MLLT10: variants seen among roughly 807,000 people sequenced by gnomAD.
The protein encoded by MLLT10 is protein AF-10.
A neutral mutation model predicts 129.1 loss-of-function variants in MLLT10; 30 were observed. The observed-to-expected ratio is 0.23, with a 90% confidence interval of 0.17 to 0.32. MLLT10 has a LOEUF of 0.32. Among genes scored for constraint, MLLT10 ranks in the 10% least tolerant of loss-of-function variants. The probability of loss-of-function intolerance (pLI) is 1.00; values close to 1 mark genes in which losing one functional copy is unlikely to be tolerated. For synonymous variants in MLLT10, 490 were observed against 446.4 expected (o/e 1.10, Z -1.23); for missense variants, 1,119 against 1,268.3 (o/e 0.88, Z 1.79).
chr10:21,692,276 A>G (rs147906564), intron 13 of MLLT10, among the ~76,000 whole-genome samples: 96 of 152,178 alleles, frequency 6.3e-4, no homozygotes, highest in Non-Finnish European at 1.1e-3. Flanking sequence ...TTATCATAGC[A>G]AAAAGTTGCA....
chr10:21,589,464 T>C (rs1393663911), intron 4 of MLLT10, among the ~76,000 whole-genome samples: 1 of 152,020 alleles, frequency 6.6e-6, no homozygotes, highest in Non-Finnish European at 1.5e-5. Context: ...AGTGTTGGAA[T>C]TACAGGAATG....
chr10:21,556,912 C>A, intron 3 of MLLT10: 1 of 1,550,214 alleles, frequency 6.5e-7, no homozygotes. Context: ...TCTCAGTTGT[C>A]ATTTGGCGTT....
chr10:21,632,947 T>G (rs2131270844), intron 8 of MLLT10, among the ~76,000 whole-genome samples: 1 of 152,304 alleles, frequency 6.6e-6, no homozygotes, highest in Middle Eastern at 3.4e-3. Flanking sequence ...AATAAATAAA[T>G]CTCTTAGGAT....
At chr10:21,676,010 T>G (rs1337450603) in intron 11 of MLLT10, among the ~76,000 whole-genome samples, 1 of 152,170 alleles carries the variant, frequency 6.6e-6, no homozygotes, top group Non-Finnish European at 1.5e-5. Context: ...AGAATTCGTT[T>G]CTCTTACCTT....
rs111842336 is a variant in MLLT10 at position 21,610,917 on chromosome 10, T to C, written c.406-1431T>C. ...TTTGTTGTTATTTGGGATTTTACTTTTTAGAGGTATAAAATGATGTTTGTA... is the reference window on the plus strand; with the variant it reads ...TTTGTTGTTATTTGGGATTTTACTTCTTAGAGGTATAAAATGATGTTTGTA... On this transcript the variant is annotated intron_variant, in intron 5 of 22. Coordinates refer to ENST00000307729, the MANE Select transcript of MLLT10 (RefSeq NM_001195626.3). Among the ~76,000 whole-genome samples the C allele has an allele frequency of 5.9e-5, 9 of 151,784 alleles. 1 individual carries two copies. Among genetic ancestry groups the C allele is most frequent in the African/African-American group, 2.2e-4 (9 of 41,540 alleles).
intron 13 of MLLT10, among the ~76,000 whole-genome samples, chr10:21,703,640 G>A (rs1416779453): frequency 6.6e-6 from 1 of 152,032 alleles, no homozygotes; most frequent in African/African-American, 2.4e-5. Flanking sequence ...AGCCTGCCAG[G>A]CTCAAGCAAT....
At chr10:21,738,598 C>G (rs377096302) in intron 21 of MLLT10, 4 of 1,208,438 alleles carry the variant, frequency 3.3e-6, no homozygotes, top group Middle Eastern at 2.3e-4. Context: ...AGCTTCCGCT[C>G]GACACTCTTG....
At chr10:21,564,784 A>G (rs2039333533) in intron 3 of MLLT10, among the ~76,000 whole-genome samples, 1 of 150,130 alleles carries the variant, frequency 6.7e-6, no homozygotes, top group African/African-American at 2.5e-5. Flanking sequence ...CGATCGCACC[A>G]TTGCACTCTA....
chr10:21,621,815 C>T (rs922183157), intron 8 of MLLT10, among the ~76,000 whole-genome samples: 1 of 152,136 alleles, frequency 6.6e-6, no homozygotes, highest in African/African-American at 2.4e-5. Flanking sequence ...CAGGCCTGGT[C>T]CACCGCATTG....
In MLLT10 at chr10:21,582,607, G is replaced by T. The variant is rs2041592652; in HGVS notation, c.241-3687G>T. Among the ~76,000 whole-genome samples the T allele has an allele frequency of 2.0e-5, 3 of 152,192 alleles. No homozygotes were observed. In the South Asian group the frequency reaches 6.2e-4, roughly 32 times the overall value. On this transcript the variant is annotated intron_variant, in intron 3 of 22. Coordinates refer to ENST00000307729, the MANE Select transcript of MLLT10 (RefSeq NM_001195626.3). ...TGGGGGACTACTGCATTTAGGAGGTGACTGAAGTGGTCCTGATGAAAGGTG... is the reference window on the plus strand; with the variant it reads ...TGGGGGACTACTGCATTTAGGAGGTTACTGAAGTGGTCCTGATGAAAGGTG...
intron 9 of MLLT10, among the ~76,000 whole-genome samples, chr10:21,659,636 G>A (rs1038019274): frequency 3.3e-5 from 5 of 151,006 alleles, no homozygotes; most frequent in East Asian, 2.0e-4. Context: ...TCACCCTCCC[G>A]AGTAGCTGGA....
In MLLT10 at chr10:21,538,813, C is replaced by T; in HGVS notation, c.161-20C>T. Reference sequence around the variant, plus strand: ...AGTTCTTCGAATCTTAACATTTTAACACATTTCATTTTTCAACAGCTTGCT... The same window carrying T: ...AGTTCTTCGAATCTTAACATTTTAATACATTTCATTTTTCAACAGCTTGCT... On this transcript the variant is annotated intron_variant, in intron 2 of 22. Transcript: ENST00000307729. 6.3e-7 allele frequency: 1 copy of T among 1,575,772 alleles called. No homozygotes were observed. The highest frequency in any genetic ancestry group is 8.7e-7 in the Non-Finnish European group (1 of 1,148,320).
chr10:21,696,800 T>C (rs2054403630), intron 13 of MLLT10, among the ~76,000 whole-genome samples: 1 of 152,102 alleles, frequency 6.6e-6, no homozygotes, highest in African/African-American at 2.4e-5. Flanking sequence ...GTCTAAAATA[T>C]TACAATAGCT....
intron 14 of MLLT10, among the ~76,000 whole-genome samples, chr10:21,724,145 TACTG>T (rs1391683068): frequency 2.6e-5 from 4 of 152,246 alleles, no homozygotes; most frequent in East Asian, 1.9e-4. Context: ...AGTACCAACT[TACTG>T]ACTTTGTCTG....
intron 5 of MLLT10, among the ~76,000 whole-genome samples, chr10:21,604,581 C>G (rs1455398116): frequency 1.3e-5 from 2 of 151,910 alleles, no homozygotes; most frequent in Admixed American, 1.3e-4. Flanking sequence ...AAGAGTGAGA[C>G]TGTTTAAAAA....
chr10:21,732,936 T>G lies in MLLT10; in HGVS notation c.2256T>G (p.Val752=), dbSNP rs1281616284. Residue 752 remains valine, a synonymous_variant, in exon 18 of 23, where the codon GTT becomes GTG. Coordinates refer to ENST00000307729, the MANE Select transcript of MLLT10 (RefSeq NM_001195626.3). ...TGAAGTCATTACACCAACTTCAAGT[T>G]GAAAACCGAAGATTAGAGGAACAAA... ...GMLKSLHQLQ[V]ENRRLEEQIK... The G allele has an allele frequency of 1.9e-6, 3 of 1,613,816 alleles. No individual in the cohort carries two copies. The highest frequency in any genetic ancestry group is 2.5e-6 in the Non-Finnish European group (3 of 1,179,968).
At chr10:21,703,864 C>G (rs1476779859) in intron 13 of MLLT10, among the ~76,000 whole-genome samples, 1 of 151,418 alleles carries the variant, frequency 6.6e-6, no homozygotes, top group East Asian at 2.0e-4. Flanking sequence ...AAGTTTTAAT[C>G]TAGTATTTTG....
chr10:21,580,464 C>T (rs1453084013), intron 3 of MLLT10, among the ~76,000 whole-genome samples: 1 of 150,760 alleles, frequency 6.6e-6, no homozygotes, highest in Non-Finnish European at 1.5e-5. Context: ...TCTTGGCTCA[C>T]TGCAACCTCT....
chr10:21,606,609 G>A (rs2044096462), intron 5 of MLLT10, among the ~76,000 whole-genome samples: 1 of 152,188 alleles, frequency 6.6e-6, no homozygotes, highest in Non-Finnish European at 1.5e-5. Context: ...CTTTGATGGA[G>A]GTTGCAGATG....
Sources: allele counts gnomAD v4.1 joint callset (sites outside exome capture counted in the v4.1 genomes callset), GRCh38; gene constraint gnomAD v4.1.1; transcripts MANE v1.5; gene names NCBI Gene and HGNC (gene_info 2026-07-23, HGNC 2026-07-21).